The following MAML3 variants were observed in gnomAD, a reference collection of about 807,000 sequenced individuals.
MAML3 encodes mastermind-like protein 3.
In MAML3, 27 loss-of-function variants were observed where a neutral mutation model predicts 101.9. The ratio of observed to expected loss-of-function variants is 0.27; its 90% CI spans 0.20 to 0.37. The LOEUF (loss-of-function observed/expected upper bound fraction) is 0.37. MAML3 is among the 10% of genes least tolerant of loss of function. The pLI, the probability that MAML3 is intolerant of heterozygous loss-of-function variation, is 1.00. For missense variants in MAML3, 1,316 were observed against 1,444.9 expected (o/e 0.91, Z 1.45); for synonymous variants, 501 against 555.9 (o/e 0.90, Z 1.39).
At chr4:140,076,426 G>A (rs1453971273) in intron 1 of MAML3, among the ~76,000 whole-genome samples, 2 of 151,352 alleles carry the variant, frequency 1.3e-5, no homozygotes, top group Non-Finnish European at 2.9e-5. Flanking sequence ...TCAGGATAAG[G>A]TGTGAGCACG....
At chr4:139,833,566 G>T (rs554687305) in intron 2 of MAML3, among the ~76,000 whole-genome samples, 1 of 152,256 alleles carries the variant, frequency 6.6e-6, no homozygotes, top group African/African-American at 2.4e-5. Flanking sequence ...TTTCTGGCAA[G>T]ATCATCACAA....
intron 1 of MAML3, among the ~76,000 whole-genome samples, chr4:139,897,153 T>C (rs1732630607): frequency 6.6e-6 from 1 of 152,202 alleles, no homozygotes; most frequent in Admixed American, 6.5e-5. Context: ...CTATTAATAA[T>C]GAAGATTCTA....
intron 1 of MAML3, among the ~76,000 whole-genome samples, chr4:140,034,045 C>A (rs1341817596): frequency 6.6e-6 from 1 of 152,118 alleles, no homozygotes; most frequent in Admixed American, 6.5e-5. Context: ...ATAATAATAA[C>A]AACAACAACA....
chr4:140,045,427 A>G (rs1727166594), intron 1 of MAML3, among the ~76,000 whole-genome samples: 1 of 149,672 alleles, frequency 6.7e-6, no homozygotes, highest in South Asian at 2.1e-4. Flanking sequence ...TCTGCTATAT[A>G]TTGTGTTCTA....
intron 3 of MAML3, among the ~76,000 whole-genome samples, chr4:139,727,672 CT>C (rs1728530226): frequency 6.6e-6 from 1 of 152,178 alleles, no homozygotes; most frequent in Non-Finnish European, 1.5e-5. Flanking sequence ...GTGCTTTGAA[CT>C]TTTGGAGAAT....
At chr4:139,753,154 G>T (rs1202857987) in intron 2 of MAML3, among the ~76,000 whole-genome samples, 3 of 152,036 alleles carry the variant, frequency 2.0e-5, no homozygotes, top group Non-Finnish European at 4.4e-5. Context: ...CTTTTCATTG[G>T]GGTAAAATAT....
intron 1 of MAML3, among the ~76,000 whole-genome samples, chr4:139,952,249 T>C (rs1290064495): frequency 6.6e-6 from 1 of 152,190 alleles, no homozygotes; most frequent in Non-Finnish European, 1.5e-5. Flanking sequence ...GATTCTGGAA[T>C]CCCTCTTTTC....
chr4:139,873,406 C>T (rs76068811), intron 2 of MAML3, among the ~76,000 whole-genome samples: 6,181 of 152,288 alleles, frequency 0.041, 193 homozygotes, highest in African/African-American at 0.088. Flanking sequence ...TTATAAAATG[C>T]CAAAGCCATT....
intron 1 of MAML3, among the ~76,000 whole-genome samples, chr4:140,053,859 T>C (rs1474246): frequency 0.19 from 28,230 of 152,156 alleles, 3,113 homozygotes; most frequent in Non-Finnish European, 0.24. Flanking sequence ...TTTTCAACCA[T>C]TTAAACTTGC....
intron 1 of MAML3, among the ~76,000 whole-genome samples, chr4:140,136,558 A>G (rs895554979): frequency 6.6e-6 from 1 of 152,246 alleles, no homozygotes; most frequent in Non-Finnish European, 1.5e-5. Context: ...TTATTAGTCC[A>G]GAAAATACAA....
intron 2 of MAML3, among the ~76,000 whole-genome samples, chr4:139,750,976 C>G (rs889571260): frequency 1.3e-5 from 2 of 152,178 alleles, no homozygotes; most frequent in African/African-American, 4.8e-5. Context: ...TTTGGAACAC[C>G]TGGCAAGCTG....
At chr4:139,948,559 C>T (rs1277216446) in intron 1 of MAML3, among the ~76,000 whole-genome samples, 5 of 152,188 alleles carry the variant, frequency 3.3e-5, no homozygotes, top group Non-Finnish European at 5.9e-5. Context: ...ATCTTGGTTT[C>T]AATTCATGTA....
chr4:139,849,929 G>C (rs182894594), intron 2 of MAML3, among the ~76,000 whole-genome samples: 1 of 152,268 alleles, frequency 6.6e-6, no homozygotes, highest in East Asian at 1.9e-4. Flanking sequence ...AACATGGCTT[G>C]ATATGCTAAC....
At chr4:139,743,921 C>T (rs1411432400) in intron 2 of MAML3, among the ~76,000 whole-genome samples, 1 of 152,178 alleles carries the variant, frequency 6.6e-6, no homozygotes, top group Non-Finnish European at 1.5e-5. Context: ...CATTCATGTA[C>T]AGGGTGCTGA....
chr4:140,153,144 C>T lies in MAML3; in HGVS notation c.184G>A (p.Gly62Ser), dbSNP rs763245638. The T allele has an allele frequency of 9.7e-6, 15 of 1,550,094 alleles. No homozygotes were observed. The South Asian group carries it at 1.5e-4, about 16-fold the overall frequency. Residue 62 changes from glycine (G) to serine (S), a missense_variant, in exon 1 of 5, where the codon GGC becomes AGC. By Grantham distance (56) the Gly-to-Ser change is moderately conservative (BLOSUM62 0). Transcript: ENST00000509479. ...GGCGGSGGPG[G>S]GSAAVPKHST... ...TGCTTGGGAACGGCCGCCGAACCGC[C>T]GCCGGGGCCCCCGGAGCCGCCGCAT...
chr4:139,889,505 T>G lies in MAML3; in HGVS notation c.1931A>C (p.Gln644Pro). ...TGGCGGCTGCTGCTGCTGCTGCTGC[T>G]GCTGTTGCTGTTGCTGCTGCTGTTG... Reference protein sequence around the residue: ...QQQQQQQQQQQQQQQQQPPPP... With the variant: ...QQQQQQQQQQPQQQQQQPPPP... Residue 644 changes from glutamine to proline, a missense_variant, in exon 2 of 5, where the codon CAG becomes CCG. Physicochemically the swap from Gln to Pro is moderately conservative, Grantham distance 76 (BLOSUM62 -1). Transcript: ENST00000509479. 6.2e-7 allele frequency: 1 copy of G among 1,607,492 alleles called. No homozygotes were observed. The highest frequency in any genetic ancestry group is 8.5e-7 in the Non-Finnish European group (1 of 1,174,438).
chr4:140,027,860 C>G (rs1726850902), intron 1 of MAML3, among the ~76,000 whole-genome samples: 1 of 152,052 alleles, frequency 6.6e-6, no homozygotes, highest in Non-Finnish European at 1.5e-5. Flanking sequence ...CTAGTGTATT[C>G]TTTTTGTCCA....
intron 1 of MAML3, among the ~76,000 whole-genome samples, chr4:140,024,383 G>A (rs940756803): frequency 6.6e-6 from 1 of 152,046 alleles, no homozygotes; most frequent in Non-Finnish European, 1.5e-5. Context: ...GCACATCACT[G>A]TGCCTGGCTA....
intron 1 of MAML3, among the ~76,000 whole-genome samples, chr4:140,078,028 A>AAATAAAT (rs1553973336): frequency 0.23 from 33,905 of 147,770 alleles, 4,263 homozygotes; most frequent in African/African-American, 0.24. Context: ...AATAAATAAA[A>AAATAAAT]AAATAAATAA....
Sources: gnomAD v4.1 joint callset for allele counts (sites outside exome capture counted in the v4.1 genomes callset) on GRCh38, gnomAD v4.1.1 for gene constraint, MANE v1.5 for transcripts, NCBI Gene and HGNC (gene_info 2026-07-23, HGNC 2026-07-21) for gene names.